The following RGS8 variants were observed in gnomAD, a reference collection of about 807,000 sequenced individuals.
The protein encoded by RGS8 is regulator of G-protein signaling 8.
In RGS8, 8 loss-of-function variants were observed where a neutral mutation model predicts 21.7. The observed-to-expected ratio is 0.37, with a 90% CI of 0.22 to 0.66. RGS8 has a LOEUF of 0.66. RGS8 is among the 30% of genes least tolerant of loss of function. RGS8 has a pLI of 0.59. For missense variants in RGS8, 157 were observed against 217.9 expected (o/e 0.72, Z 1.76); for synonymous variants, 80 against 83.6 (o/e 0.96, Z 0.24).
At chr1:182,737,366 A>G in the RGS8 span, among the ~76,000 whole-genome samples, 3 of 152,034 alleles carry the variant, frequency 2.0e-5, no homozygotes, top group African/African-American at 7.2e-5. Flanking sequence ...TTGCCATATG[A>G]TGTGGTTTGG....
the RGS8 span, chr1:182,714,521 A>G: frequency 6.6e-6 from 1 of 152,240 alleles, no homozygotes; most frequent in Non-Finnish European, 1.5e-5. Context: ...CTCATCATTA[A>G]ACCGTATGGT....
At chr1:182,709,774 T>C in the RGS8 span, among the ~76,000 whole-genome samples, 2 of 152,256 alleles carry the variant, frequency 1.3e-5, no homozygotes, top group Admixed American at 1.3e-4. Context: ...TTACTTGTTT[T>C]ATGAATGCGA....
At chr1:182,741,084 G>C in the RGS8 span, among the ~76,000 whole-genome samples, 1 of 151,512 alleles carries the variant, frequency 6.6e-6, no homozygotes, top group Non-Finnish European at 1.5e-5. Context: ...CCTCCCAGAC[G>C]GGGTGGTGGC....
chr1:182,682,864 A>C (rs1030931882), intron 1 of RGS8, among the ~76,000 whole-genome samples: 6 of 152,128 alleles, frequency 3.9e-5, no homozygotes, highest in African/African-American at 1.4e-4. Flanking sequence ...CTGTCCTCTA[A>C]GAGCCCCTTG....
At chr1:182,742,313 C>G in the RGS8 span, among the ~76,000 whole-genome samples, 2 of 151,140 alleles carry the variant, frequency 1.3e-5, no homozygotes, top group Admixed American at 1.3e-4. Flanking sequence ...CAGGCGGAGA[C>G]GCTCCTCACT....
the RGS8 span, among the ~76,000 whole-genome samples, chr1:182,727,721 G>T: frequency 6.6e-6 from 1 of 151,852 alleles, no homozygotes; most frequent in Non-Finnish European, 1.5e-5. Context: ...AATATTTTAG[G>T]CTCTAAAGTA....
the RGS8 span, among the ~76,000 whole-genome samples, chr1:182,725,948 A>T: frequency 9.2e-5 from 14 of 152,250 alleles, no homozygotes; most frequent in African/African-American, 3.1e-4. Flanking sequence ...GGTGCAGTAT[A>T]GAGAAGATAG....
chr1:182,750,381 T>C, the RGS8 span, among the ~76,000 whole-genome samples: 1 of 152,222 alleles, frequency 6.6e-6, no homozygotes, highest in African/African-American at 2.4e-5. Context: ...ACATCAACAA[T>C]AGTTCAGATC....
the RGS8 span, among the ~76,000 whole-genome samples, chr1:182,709,966 C>T: frequency 6.6e-6 from 1 of 152,144 alleles, no homozygotes; most frequent in East Asian, 1.9e-4. Flanking sequence ...TGGGACAGCG[C>T]TGTCAGAATT....
chr1:182,746,389 G>A, the RGS8 span, among the ~76,000 whole-genome samples: 16 of 152,112 alleles, frequency 1.1e-4, no homozygotes, highest in African/African-American at 3.6e-4. Flanking sequence ...CTTCCAGGTG[G>A]GGTGCAGTGG....
downstream of RGS8, chr1:182,644,554 C>T (rs1344117277): frequency 6.6e-6 from 1 of 152,156 alleles, no homozygotes; most frequent in Non-Finnish European, 1.5e-5. Flanking sequence ...TTGGCAAGAA[C>T]TCTAGGCCTC....
chr1:182,738,264 C>T, the RGS8 span, among the ~76,000 whole-genome samples: 1 of 152,158 alleles, frequency 6.6e-6, no homozygotes, highest in Non-Finnish European at 1.5e-5. Context: ...CAACCTTGAA[C>T]AGTTGTTTAA....
the RGS8 span, among the ~76,000 whole-genome samples, chr1:182,721,477 G>A: frequency 6.6e-6 from 1 of 152,170 alleles, no homozygotes; most frequent in African/African-American, 2.4e-5. Flanking sequence ...TTCACAGCGT[G>A]ACAGAAATGG....
At chr1:182,699,366 A>C in the RGS8 span, among the ~76,000 whole-genome samples, 1 of 152,016 alleles carries the variant, frequency 6.6e-6, no homozygotes, top group African/African-American at 2.4e-5. Flanking sequence ...TGTAGAGAGG[A>C]GGAGGTGGTT....
chr1:182,642,894 C>CTAT (rs1273307280), downstream of RGS8: 1 of 152,168 alleles, frequency 6.6e-6, no homozygotes, highest in African/African-American at 2.4e-5. Flanking sequence ...TGTGTTACTA[C>CTAT]TATTATTATT....
upstream of RGS8, among the ~76,000 whole-genome samples, chr1:182,685,696 C>T (rs181075659): frequency 1.1e-4 from 16 of 152,214 alleles, no homozygotes; most frequent in Admixed American, 6.5e-5. Flanking sequence ...GCACTCTGGG[C>T]GTTCTCAGTC....
At chr1:182,645,880 G>A (rs888801709), downstream of RGS8, 10 of 152,238 alleles carry the variant, frequency 6.6e-5, no homozygotes, top group African/African-American at 2.4e-4. Flanking sequence ...GGTGAGGGCA[G>A]AGAAGACACT....
rs368901388 is a variant in RGS8, at chr1:182,671,648, A to G, written c.-104+9T>C. Reference sequence around the variant, plus strand: ...GGAGAAGAAAGAGAAAAGCAAAGGCAATACTCACTGTCTTTGGCCAGTCCT... The same window carrying G: ...GGAGAAGAAAGAGAAAAGCAAAGGCGATACTCACTGTCTTTGGCCAGTCCT... On this transcript the variant is annotated intron_variant, in intron 2 of 6. Transcript: ENST00000483095. The G allele has an allele frequency of 3.2e-5, 52 of 1,613,330 alleles. No homozygotes were observed. Among genetic ancestry groups the G allele is most frequent in the Middle Eastern group, 3.3e-4 (2 of 6,080 alleles).
At chr1:182,656,256 C>G (rs1343775810) in intron 5 of RGS8, among the ~76,000 whole-genome samples, 3 of 152,160 alleles carry the variant, frequency 2.0e-5, no homozygotes, top group Non-Finnish European at 2.9e-5. Context: ...CTGGTGACAG[C>G]TGGCAGGCCT....
Sources: gnomAD v4.1 joint callset for allele counts (sites outside exome capture counted in the v4.1 genomes callset) on GRCh38, gnomAD v4.1.1 for gene constraint, MANE v1.5 for transcripts, NCBI Gene and HGNC (gene_info 2026-07-23, HGNC 2026-07-21) for gene names.